SCAF8: variants seen among roughly 807,000 people sequenced by gnomAD.
SCAF8 encodes SR-related and CTD-associated factor 8.
In SCAF8, 23 loss-of-function variants were observed where a neutral mutation model predicts 140.5. The ratio of observed to expected loss-of-function variants is 0.16; its 90% CI spans 0.12 to 0.23. SCAF8 has a LOEUF of 0.23. Among genes scored for constraint, SCAF8 ranks in the 10% least tolerant of loss-of-function variants. SCAF8 has a pLI of 1.00. For synonymous variants in SCAF8, 575 were observed against 528.9 expected (o/e 1.09, Z -1.20); for missense variants, 1,397 against 1,555.7 (o/e 0.90, Z 1.72).
chr6:154,796,674 A>G (rs1161544861), intron 6 of SCAF8, among the ~76,000 whole-genome samples: 8 of 152,060 alleles, frequency 5.3e-5, no homozygotes. Context: ...GGTGAACTTA[A>G]TCAAAAAACC....
At chr6:154,750,514 G>A (rs2114806727) in intron 1 of SCAF8, among the ~76,000 whole-genome samples, 1 of 152,176 alleles carries the variant, frequency 6.6e-6, no homozygotes, top group South Asian at 2.1e-4. Context: ...ACATTTAAAA[G>A]CAACTCTGTG....
At chr6:154,813,727 T>C (rs1185267024) in intron 12 of SCAF8, among the ~76,000 whole-genome samples, 1 of 152,162 alleles carries the variant, frequency 6.6e-6, no homozygotes, top group Non-Finnish European at 1.5e-5. Flanking sequence ...GAGATGAACC[T>C]GGATTATCCA....
intron 9 of SCAF8, among the ~76,000 whole-genome samples, chr6:154,806,421 A>G (rs1474536960): frequency 6.6e-6 from 1 of 152,228 alleles, no homozygotes; most frequent in African/African-American, 2.4e-5. Flanking sequence ...TTTAACAAAA[A>G]TATCACAAAA....
intron 1 of SCAF8, among the ~76,000 whole-genome samples, chr6:154,750,011 G>C (rs929153541): frequency 6.6e-6 from 1 of 151,886 alleles, no homozygotes; most frequent in Non-Finnish European, 1.5e-5. Context: ...GAAGATGGGT[G>C]TTGCCAGGGC....
At chr6:154,767,735 T>C (rs1207129542) in intron 1 of SCAF8, among the ~76,000 whole-genome samples, 2 of 151,858 alleles carry the variant, frequency 1.3e-5, no homozygotes, top group Non-Finnish European at 2.9e-5. Context: ...AACGGGGTCT[T>C]GCCATGTTGC....
intron 10 of SCAF8, 138 bp from the exon 11 acceptor site, chr6:154,808,548 A>G (rs1218568366): frequency 3.3e-6 from 2 of 612,448 alleles, no homozygotes; most frequent in Non-Finnish European, 5.8e-6. Context: ...AATGGGGCCC[A>G]GGGAAGCCAA....
chr6:154,758,728 C>T (rs999118891), intron 1 of SCAF8, among the ~76,000 whole-genome samples: 2 of 152,122 alleles, frequency 1.3e-5, no homozygotes, highest in African/African-American at 2.4e-5. Flanking sequence ...ATAATAGAGA[C>T]CTCTGTTTCC....
At position 154,808,065 on chromosome 6, in the gene SCAF8, A is replaced by G. The variant is rs1419228376; in HGVS notation, c.982-5A>G. ...TCTTTGTGTGTTTGTATATGTTCTC[A>G]ATAGGCCACTCCTCAGGATAGTCAG... On this transcript the variant is annotated splice_polypyrimidine_tract_variant and splice_region_variant and intron_variant, in intron 9 of 19. Transcript: ENST00000367178. The G allele has an allele frequency of 6.2e-7, 1 of 1,611,050 alleles. No homozygotes were observed. The highest frequency in any genetic ancestry group is 1.3e-5 in the African/African-American group (1 of 74,730).
intron 12 of SCAF8, among the ~76,000 whole-genome samples, chr6:154,811,605 G>A (rs947874574): frequency 1.3e-5 from 2 of 152,066 alleles, no homozygotes; most frequent in East Asian, 1.9e-4. Flanking sequence ...TGTTACATAG[G>A]TATACATGTA....
At chr6:154,795,231 C>G (rs1478752348) in intron 6 of SCAF8, 92 bp downstream of exon 6, 1 of 1,111,774 alleles carries the variant, frequency 9.0e-7, no homozygotes, top group Non-Finnish European at 1.2e-6. Flanking sequence ...AGAATATGTG[C>G]TTTTTTTAGT....
intron 1 of SCAF8, among the ~76,000 whole-genome samples, chr6:154,735,236 G>A (rs1376772013): frequency 3.3e-5 from 5 of 151,948 alleles, no homozygotes; most frequent in Admixed American, 2.0e-4. Context: ...GATTGTTAAA[G>A]AGTATCTTTA....
chr6:154,775,760 A>T (rs1161980284), intron 2 of SCAF8, among the ~76,000 whole-genome samples: 1 of 151,958 alleles, frequency 6.6e-6, no homozygotes, highest in Non-Finnish European at 1.5e-5. Context: ...TTAAAAAAAG[A>T]AGTAATGTTT....
intron 1 of SCAF8, among the ~76,000 whole-genome samples, chr6:154,766,779 A>T (rs1240699305): frequency 6.6e-6 from 1 of 150,550 alleles, no homozygotes; most frequent in African/African-American, 2.5e-5. Flanking sequence ...CCCAGCAGGA[A>T]TTTATTGTTT....
intron 13 of SCAF8, 127 bp from the exon 14 acceptor site, chr6:154,818,352 A>G (rs1355807123): frequency 4.8e-6 from 2 of 420,686 alleles, no homozygotes; most frequent in Non-Finnish European, 8.4e-6. Context: ...GAAAGGGGAA[A>G]ATAAGTCAGT....
intron 1 of SCAF8, among the ~76,000 whole-genome samples, chr6:154,768,937 C>T (rs574124582): frequency 7.2e-4 from 109 of 152,030 alleles, no homozygotes; most frequent in African/African-American, 2.6e-3. Context: ...GTGGTGTGCA[C>T]CTAAAATCCT....
At chr6:154,831,294 A>AT (rs1190064938) in intron 19 of SCAF8, among the ~76,000 whole-genome samples, 154 bp downstream of exon 19, 1 of 152,082 alleles carries the variant, frequency 6.6e-6, no homozygotes, top group African/African-American at 2.4e-5. Context: ...TAAAATTTCT[A>AT]TTTGAAAAAG....
Position 154,805,362 on chromosome 6 carries a change from CT to C in SCAF8, c.864-3del. 6.5e-7 allele frequency: 1 copy of C among 1,546,580 alleles called. No homozygotes were observed. Among genetic ancestry groups the C allele is most frequent in the Non-Finnish European group, 8.9e-7 (1 of 1,122,934 alleles). On this transcript the variant is annotated splice_polypyrimidine_tract_variant and splice_region_variant and intron_variant, in intron 8 of 19. Transcript: ENST00000367178. ...TAAAATATGTTTCCACCTGTTTTTC[CT>C]TTTAGTTCTCACGTTTCAGAATCTG...
chr6:154,827,292 G>A (rs1778594281), intron 18 of SCAF8, 52 bp downstream of exon 18: 10 of 1,228,630 alleles, frequency 8.1e-6, no homozygotes, highest in Non-Finnish European at 7.0e-6. Flanking sequence ...GTTAATTTTA[G>A]TGTGTCAGTT....
chr6:154,748,310 GAGA>G (rs1296036284), intron 1 of SCAF8, among the ~76,000 whole-genome samples: 6 of 152,174 alleles, frequency 3.9e-5, no homozygotes, highest in East Asian at 1.9e-4. Flanking sequence ...ATGAATAAAT[GAGA>G]AGGAGAATAA....
Sources: gnomAD v4.1 joint callset for allele counts (sites outside exome capture counted in the v4.1 genomes callset) on GRCh38, gnomAD v4.1.1 for gene constraint, MANE v1.5 for transcripts, NCBI Gene and HGNC (gene_info 2026-07-23, HGNC 2026-07-21) for gene names.